Variants in CUBN observed in about 807,000 individuals in gnomAD.
CUBN encodes cubilin, also known as 460 kDa receptor.
A neutral mutation model predicts 405.3 loss-of-function variants in CUBN; 282 were observed. The observed-to-expected ratio is 0.70, with a 90% CI of 0.63 to 0.77. The LOEUF (loss-of-function observed/expected upper bound fraction) is 0.77. Ranked by LOEUF, CUBN falls within the 30% of genes least tolerant of loss-of-function variation. The pLI is 0.00. For missense variants in CUBN, 4,514 were observed against 4,475.2 expected, an observed-to-expected ratio of 1.01 and a Z score of -0.25; for synonymous variants, 1,684 against 1,617.0, an observed-to-expected ratio of 1.04 and a Z score of -0.99.
intron 28 of CUBN, among the ~76,000 whole-genome samples, chr10:16,995,833 A>T (rs561740794): frequency 2.6e-5 from 4 of 152,258 alleles, no homozygotes; most frequent in Admixed American, 6.5e-5. Context: ...ATTTTATTTG[A>T]ATTATTTTTA....
Position 16,824,867 on chromosome 10 carries a change from T to A in CUBN, c.*108A>T. ...ATGGTTTGGTGAAAAACCATACAAG[T>A]TCAGCTTATTCTCTGTGGCATCAGC... On this transcript the variant is annotated 3_prime_UTR_variant, in exon 67 of 67. Coordinates refer to ENST00000377833, the MANE Select transcript of CUBN (RefSeq NM_001081.4). 2.5e-6 allele frequency: 2 copies of A among 805,180 alleles called. No individual in the cohort carries two copies. The highest frequency in any genetic ancestry group is 2.9e-5 in the South Asian group (2 of 69,800). 49.9% of individuals were successfully genotyped at this position (805,180 alleles called of 1,614,324 possible). A position where few individuals can be genotyped will look rare whatever the true frequency, so the allele number is the denominator to read the frequency against.
intron 28 of CUBN, among the ~76,000 whole-genome samples, chr10:17,001,325 C>A (rs1833874368): frequency 6.6e-6 from 1 of 152,332 alleles, no homozygotes; most frequent in African/African-American, 2.4e-5. Flanking sequence ...AGGAGGCCAG[C>A]TTTTATTCCC....
intron 54 of CUBN, among the ~76,000 whole-genome samples, chr10:16,892,019 C>G (rs748660547): frequency 6.6e-6 from 1 of 152,138 alleles, no homozygotes; most frequent in South Asian, 2.1e-4. Context: ...TTACTCATTC[C>G]AAACACATCT....
At chr10:16,956,599 T>C (rs1360087215) in intron 31 of CUBN, among the ~76,000 whole-genome samples, 1 of 152,042 alleles carries the variant, frequency 6.6e-6, no homozygotes, top group Admixed American at 6.6e-5. Context: ...ATCTCTATAC[T>C]TGGTTTTATG....
chr10:16,995,029 C>T (rs554787739), intron 28 of CUBN, among the ~76,000 whole-genome samples: 1 of 152,070 alleles, frequency 6.6e-6, no homozygotes, highest in Non-Finnish European at 1.5e-5. Flanking sequence ...AGGTGGAAGT[C>T]GCATTGAGCC....
rs758001862 is a variant in CUBN, at chr10:16,828,936, C to G, written c.10633G>C (p.Ala3545Pro). 1 of 1,614,136 alleles carries G rather than the reference C, an allele frequency of 6.2e-7. No individual in the cohort carries two copies. The highest frequency in any genetic ancestry group is 1.7e-5 in the Admixed American group (1 of 60,022). The change falls in exon 66 of 67, where the codon GCT (alanine) becomes CCT (proline). Residue 3545 changes from alanine to proline, a missense_variant. By Grantham distance (27) the Ala-to-Pro change is conservative. Coordinates refer to ENST00000377833, the MANE Select transcript of CUBN (RefSeq NM_001081.4). Reference sequence around the variant, plus strand: ...AAGTTGATGGTGACAAGCCTTCCAGCAGGAGCAACAAGGACCCACTCGCAG... The same window carrying G: ...AAGTTGATGGTGACAAGCCTTCCAGGAGGAGCAACAAGGACCCACTCGCAG... ...TYCEWVLVAP[A>P]GRLVTINFYF...
intron 28 of CUBN, among the ~76,000 whole-genome samples, chr10:16,994,303 T>C (rs954816028): frequency 3.3e-5 from 5 of 152,168 alleles, no homozygotes; most frequent in Admixed American, 2.6e-4. Context: ...TTTATAGACA[T>C]AAAAAGTGTT....
intron 14 of CUBN, 52 bp from the exon 15 acceptor site, chr10:17,088,397 T>G (rs550363606): frequency 6.7e-7 from 1 of 1,488,930 alleles, no homozygotes; most frequent in East Asian, 2.3e-5. Context: ...CTATAATTTA[T>G]GGAGAATGAT....
In CUBN at chr10:16,824,573, T is replaced by G. The variant is rs1176202529; in HGVS notation, c.*402A>C. On this transcript the variant is annotated 3_prime_UTR_variant, in exon 67 of 67. Coordinates refer to ENST00000377833, the MANE Select transcript of CUBN (RefSeq NM_001081.4). ...TCTTGCCGTCTCGCCCAGGCTGGAG[T>G]GTAGTGGTGTGATCTTAGCTCACTG... The G allele has an allele frequency of 4.7e-6, 1 of 211,176 alleles. No homozygotes were observed. Among genetic ancestry groups the G allele is most frequent in the Non-Finnish European group, 9.8e-6 (1 of 102,216 alleles). The allele number at this position is 211,176 out of a possible 1,614,324, so 13.1% of individuals were successfully genotyped here. A position where few individuals can be genotyped will look rare whatever the true frequency, so the allele number is the denominator to read the frequency against.
At chr10:17,027,333 T>C (rs948216801) in intron 27 of CUBN, among the ~76,000 whole-genome samples, 1 of 152,142 alleles carries the variant, frequency 6.6e-6, no homozygotes, top group African/African-American at 2.4e-5. Context: ...GAAAATGACA[T>C]AATAAATAAC....
At position 17,114,049 on chromosome 10, in the gene CUBN, G is replaced by C; in HGVS notation, c.861C>G (p.Phe287Leu). ...LVQCFNTQGS[F>L]YCGACPTGWQ... Reference sequence around the variant, plus strand: ...TACCTGTTGGACAGGCCCCACAGTAGAAAGAGCCTTGAGTGTTGAAACACT... The same window carrying C: ...TACCTGTTGGACAGGCCCCACAGTACAAAGAGCCTTGAGTGTTGAAACACT... The change falls in exon 8 of 67, where the codon TTC becomes TTG. Residue 287 changes from phenylalanine (F) to leucine (L), a missense_variant. Physicochemically the swap from Phe to Leu is conservative, Grantham distance 22 (BLOSUM62 0). Around this residue, in one of 5 missense-constraint regions of CUBN, gnomAD observed 1,448 missense variants for 1,388.0 expected, o/e 1.04. Coordinates refer to ENST00000377833, the MANE Select transcript of CUBN (RefSeq NM_001081.4). The C allele has an allele frequency of 6.2e-7, 1 of 1,612,994 alleles. No homozygotes were observed. Among genetic ancestry groups the C allele is most frequent in the South Asian group, 1.1e-5 (1 of 90,666 alleles).
chr10:16,994,796 G>A (rs908327270), intron 28 of CUBN, among the ~76,000 whole-genome samples: 20 of 152,274 alleles, frequency 1.3e-4, no homozygotes, highest in African/African-American at 4.3e-4. Flanking sequence ...TAATTTAAAA[G>A]ATGAAAATAC....
At chr10:17,002,994 G>C (rs1163290604) in intron 28 of CUBN, among the ~76,000 whole-genome samples, 2 of 152,058 alleles carry the variant, frequency 1.3e-5, no homozygotes, top group African/African-American at 4.8e-5. Flanking sequence ...TATTTTAAGA[G>C]TATCACAAAG....
At chr10:16,840,608 G>C in intron 61 of CUBN, 73 bp from the exon 62 acceptor site, 1 of 1,281,218 alleles carries the variant, frequency 7.8e-7, no homozygotes. Flanking sequence ...TTGCAATTCT[G>C]TCTTCCCTGC....
chr10:17,111,167 A>G, intron 8 of CUBN, 117 bp from the exon 9 acceptor site: 2 of 1,194,760 alleles, frequency 1.7e-6, no homozygotes, highest in South Asian at 2.6e-5. Context: ...AATAAAAATG[A>G]GATATGCTTA....
At chr10:17,100,545 A>C (rs1216027232) in intron 13 of CUBN, among the ~76,000 whole-genome samples, 1 of 152,224 alleles carries the variant, frequency 6.6e-6, no homozygotes, top group African/African-American at 2.4e-5. Context: ...TATAACTGAC[A>C]TTGTTTCTAA....
At chr10:17,125,060 G>A (rs1047645852) in intron 4 of CUBN, among the ~76,000 whole-genome samples, 4 of 150,942 alleles carry the variant, frequency 2.7e-5, no homozygotes, top group Admixed American at 1.3e-4. Context: ...TCAAACTCCC[G>A]ACCTCACATG....
chr10:16,910,128 T>TCTACTTCTTTTCTTCTTCTCTCCTTCTC (rs1841682967), intron 48 of CUBN, among the ~76,000 whole-genome samples: 2 of 151,956 alleles, frequency 1.3e-5, no homozygotes, highest in East Asian at 3.9e-4. Flanking sequence ...TTCTCCTTCT[T>TCTACTTCTTTTCTTCTTCTCTCCTTCTC]CTACTTCTTT....
At chr10:16,930,993 A>G (rs923578684) in intron 40 of CUBN, among the ~76,000 whole-genome samples, 1 of 152,086 alleles carries the variant, frequency 6.6e-6, no homozygotes, top group Non-Finnish European at 1.5e-5. Flanking sequence ...GTGGTGGCTC[A>G]CACCTGTAAT....
Sources: allele counts gnomAD v4.1 joint callset (sites outside exome capture counted in the v4.1 genomes callset), GRCh38; gene constraint gnomAD v4.1.1; regional missense constraint gnomAD v4.1.1; transcripts MANE v1.5; gene names NCBI Gene and HGNC (gene_info 2026-07-23, HGNC 2026-07-21).